Variants in SPATA18 observed in about 807,000 individuals in gnomAD.
SPATA18 encodes the protein mitochondria-eating protein.
A neutral mutation model predicts 68.1 loss-of-function variants in SPATA18; 54 were observed. The ratio of observed to expected loss-of-function variants is 0.79; its 90% CI spans 0.64 to 0.99. The LOEUF (loss-of-function observed/expected upper bound fraction) is 0.99. Ranked by LOEUF, SPATA18 falls within the 50% of genes least tolerant of loss-of-function variation. SPATA18 has a pLI of 0.00. For synonymous variants in SPATA18, 242 were observed against 244.8 expected (o/e 0.99, Z 0.11); for missense variants, 724 against 681.1 (o/e 1.06, Z -0.70).
chr4:52,072,175 G>T lies in SPATA18; in HGVS notation c.758+19G>T. The T allele has an allele frequency of 6.2e-7, 1 of 1,612,234 alleles. No individual in the cohort carries two copies. Among genetic ancestry groups the T allele is most frequent in the Non-Finnish European group, 8.5e-7 (1 of 1,179,206 alleles). On this transcript the variant is annotated intron_variant, in intron 6 of 12. Coordinates refer to ENST00000295213, the MANE Select transcript of SPATA18 (RefSeq NM_145263.4). ...AAGGAAGGTCAGACAAACTCTCAAAGATCTTCTCATTTAGGCTCTTTTTGC... is the reference window on the plus strand; with the variant it reads ...AAGGAAGGTCAGACAAACTCTCAAATATCTTCTCATTTAGGCTCTTTTTGC...
chr4:52,055,692 G>A (rs532503467), intron 1 of SPATA18, among the ~76,000 whole-genome samples: 2 of 152,218 alleles, frequency 1.3e-5, no homozygotes, highest in South Asian at 2.1e-4. Flanking sequence ...CAGGCCCCAC[G>A]CGAGAGCAAT....
chr4:52,074,661 T>A (rs1740165754), intron 6 of SPATA18, among the ~76,000 whole-genome samples: 2 of 152,114 alleles, frequency 1.3e-5, no homozygotes, highest in South Asian at 4.1e-4. Context: ...AGATTCAGAG[T>A]TTTGTTGTAA....
chr4:52,080,949 CACA>C (rs1173327007), intron 9 of SPATA18, among the ~76,000 whole-genome samples: 1 of 152,176 alleles, frequency 6.6e-6, no homozygotes, highest in African/African-American at 2.4e-5. Context: ...TTATGCAAAT[CACA>C]ACAATAATGA....
chr4:52,083,342 C>T (rs896257726), intron 10 of SPATA18: 15 of 985,244 alleles, frequency 1.5e-5, no homozygotes, highest in African/African-American at 7.0e-5. Context: ...GCAGCTTTCA[C>T]ACATACAGTG....
chr4:52,071,135 G>A (rs1560593047), intron 5 of SPATA18, among the ~76,000 whole-genome samples: 1 of 152,090 alleles, frequency 6.6e-6, no homozygotes, highest in Non-Finnish European at 1.5e-5. Flanking sequence ...ACTGTTTGTA[G>A]TGCAGCTTTT....
At chr4:52,079,998 A>G in intron 9 of SPATA18, 79 bp downstream of exon 9, 4 of 1,447,250 alleles carry the variant, frequency 2.8e-6, no homozygotes, top group South Asian at 1.3e-5. Flanking sequence ...CAATTTAAGG[A>G]AAAGAACTCT....
In SPATA18 at chr4:52,051,527, G is replaced by C; in HGVS notation, c.-178G>C. On this transcript the variant is annotated 5_prime_UTR_variant, in exon 1 of 13. Coordinates refer to ENST00000295213, the MANE Select transcript of SPATA18 (RefSeq NM_145263.4). ...CTGCGGCCCAGGGCACCTCCCCTCT[G>C]GCTTCCCGAACCCGGCCAGGTCCGA... The C allele has an allele frequency of 1.6e-6, 1 of 635,226 alleles. No individual in the cohort carries two copies. The highest frequency in any genetic ancestry group is 2.8e-6 in the Non-Finnish European group (1 of 363,026). 39.3% of individuals were successfully genotyped at this position (635,226 alleles called of 1,614,324 possible). A position where few individuals can be genotyped will look rare whatever the true frequency, so the allele number is the denominator to read the frequency against.
At position 52,082,946 on chromosome 4, in the gene SPATA18, T is replaced by C. The variant is rs1011265782; in HGVS notation, c.1479+436T>C. 10 of 985,188 alleles carry C rather than the reference T, an allele frequency of 1.0e-5. No homozygotes were observed. The African/African-American group carries it at 1.7e-4, about 17-fold the overall frequency. The allele number at this position is 985,188 out of a possible 1,614,324, so 61.0% of individuals were successfully genotyped here. On this transcript the variant is annotated intron_variant, in intron 10 of 12. Coordinates refer to ENST00000295213, the MANE Select transcript of SPATA18 (RefSeq NM_145263.4). The stretch of plus-strand genomic sequence containing the variant: ...ATGTGCCCTGTTTTTCTCTCCTTGG[T>C]ATGATGTGTATGGAGGGGAGGGATG...
In SPATA18 at chr4:52,096,864, T is replaced by C. The variant is rs956376961; in HGVS notation, c.*1977T>C. ...ACTATGCAACAGTTACTGTGTGTTA[T>C]ACGTTGAAAGGTCTTCACTAATATC... On this transcript the variant is annotated 3_prime_UTR_variant, in exon 13 of 13. Coordinates refer to ENST00000295213, the MANE Select transcript of SPATA18 (RefSeq NM_145263.4). 1 of 152,208 alleles carries C rather than the reference T, an allele frequency of 6.6e-6. No homozygotes were observed. The highest frequency in any genetic ancestry group is 2.4e-5 in the African/African-American group (1 of 41,458). 9.4% of individuals were successfully genotyped at this position (152,208 alleles called of 1,614,324 possible). A position where few individuals can be genotyped will look rare whatever the true frequency, so the allele number is the denominator to read the frequency against.
intron 1 of SPATA18, among the ~76,000 whole-genome samples, chr4:52,053,677 C>T (rs1051344815): frequency 2.0e-5 from 3 of 152,082 alleles, no homozygotes; most frequent in Non-Finnish European, 4.4e-5. Context: ...TTTTCTAAGT[C>T]GTCTTCATCA....
At position 52,051,810 on chromosome 4, in the gene SPATA18, C is replaced by A. The variant is rs771133931; in HGVS notation, c.87+19C>A. The A allele has an allele frequency of 1.2e-5, 19 of 1,610,512 alleles. No homozygotes were observed. The highest frequency in any genetic ancestry group is 4.5e-5 in the East Asian group (2 of 44,860). ...GTACAACGTGAGTCTGGGTGAAAAA[C>A]CCCCGGGGTTCGCCCTCCCATAGGT... On this transcript the variant is annotated intron_variant, in intron 1 of 12. Coordinates refer to ENST00000295213, the MANE Select transcript of SPATA18 (RefSeq NM_145263.4).
Position 52,072,111 on chromosome 4 carries a change from A to G in SPATA18, c.713A>G (p.Glu238Gly). ...DYKKQLRNLKEEIAVLSAEKS... is the reference protein window; with the variant it reads ...DYKKQLRNLKGEIAVLSAEKS... ...AAGAAACAGCTCCGAAACCTGAAGG[A>G]GGAGATAGCTGTTCTGTCTGCTGAG... The change falls in exon 6 of 13, where the codon GAG (glutamate) becomes GGG (glycine). Residue 238 changes from glutamate (E) to glycine (G), a missense_variant. By Grantham distance (98) the Glu-to-Gly change is moderately conservative (BLOSUM62 -2). Coordinates refer to ENST00000295213, the MANE Select transcript of SPATA18 (RefSeq NM_145263.4). 1 of 1,614,106 alleles carries G rather than the reference A, an allele frequency of 6.2e-7. No homozygotes were observed. The highest frequency in any genetic ancestry group is 8.5e-7 in the Non-Finnish European group (1 of 1,180,016).
At chr4:52,081,166 A>G (rs1740887728) in intron 9 of SPATA18, among the ~76,000 whole-genome samples, 2 of 152,190 alleles carry the variant, frequency 1.3e-5, no homozygotes, top group South Asian at 4.1e-4. Flanking sequence ...ATTCAGAACC[A>G]TTCACCATTT....
intron 11 of SPATA18, among the ~76,000 whole-genome samples, chr4:52,085,984 T>A (rs1741399188): frequency 6.6e-6 from 1 of 152,160 alleles, no homozygotes. Flanking sequence ...ATTCAACACA[T>A]ATTTAGTCAG....
chr4:52,082,438 C>A lies in SPATA18; in HGVS notation c.1407C>A (p.His469Gln), dbSNP rs140306790. 5.1e-5 allele frequency: 82 copies of A among 1,613,974 alleles called. No individual in the cohort carries two copies. The highest frequency in any genetic ancestry group is 1.6e-4 in the Middle Eastern group (1 of 6,082). Residue 469 changes from histidine (H) to glutamine (Q), a missense_variant, in exon 10 of 13, where the codon CAC (histidine) becomes CAA (glutamine). By Grantham distance (24) the His-to-Gln change is conservative (BLOSUM62 0). Transcript: ENST00000295213. ...TCACTGCTCCCTTAGTCCTCTATCA[C>A]GTGTGGCCTGCTCTCATGGAGAATG... ...SDFTAPLVLYHVWPALMENDC... is the reference protein window; with the variant it reads ...SDFTAPLVLYQVWPALMENDC...
At position 52,072,118 on chromosome 4, in the gene SPATA18, A is replaced by G; in HGVS notation, c.720A>G (p.Ile240Met). Reference protein sequence around the residue: ...KKQLRNLKEEIAVLSAEKSAL... With the variant: ...KKQLRNLKEEMAVLSAEKSAL... The stretch of plus-strand genomic sequence containing the variant: ...AGCTCCGAAACCTGAAGGAGGAGAT[A>G]GCTGTTCTGTCTGCTGAGAAAAGTG... The change falls in exon 6 of 13, where the codon ATA becomes ATG. Residue 240 changes from isoleucine (I) to methionine (M), a missense_variant. Transcript: ENST00000295213. 1.2e-6 allele frequency: 2 copies of G among 1,614,112 alleles called. No individual in the cohort carries two copies. The highest frequency in any genetic ancestry group is 1.7e-6 in the Non-Finnish European group (2 of 1,180,028).
rs189742127 is a variant in SPATA18, at chr4:52,078,998, G to A, written c.1179+105G>A. 3.6e-4 allele frequency: 441 copies of A among 1,209,112 alleles called. 2 individuals carry two copies. In the East Asian group the frequency reaches 0.011, roughly 31 times the overall value. The allele number at this position is 1,209,112 out of a possible 1,614,324, so 74.9% of individuals were successfully genotyped here. A position where few individuals can be genotyped will look rare whatever the true frequency, so the allele number is the denominator to read the frequency against. ...ATCCAGTATTTAGTATTAATTCTAT[G>A]TAATGAAAAAGAAGAAAGGAACAGC... On this transcript the variant is annotated intron_variant, in intron 8 of 12. Coordinates refer to ENST00000295213, the MANE Select transcript of SPATA18 (RefSeq NM_145263.4).
At chr4:52,069,785 G>A (rs757941416) in intron 4 of SPATA18, 36 bp from the exon 5 acceptor site, 15 of 1,480,448 alleles carry the variant, frequency 1.0e-5, no homozygotes, top group African/African-American at 1.4e-5. Flanking sequence ...TGCCAATTTT[G>A]AAAAATCTAT....
chr4:52,093,168 G>A (rs895320688), intron 11 of SPATA18, among the ~76,000 whole-genome samples: 1 of 152,106 alleles, frequency 6.6e-6, no homozygotes, highest in African/African-American at 2.4e-5. Flanking sequence ...GAAAGAGAAA[G>A]ATTATTATGA....
Sources: gnomAD v4.1 joint callset for allele counts (sites outside exome capture counted in the v4.1 genomes callset) on GRCh38, gnomAD v4.1.1 for gene constraint, MANE v1.5 for transcripts, NCBI Gene and HGNC (gene_info 2026-07-23, HGNC 2026-07-21) for gene names.